Variants in SEC63 observed in about 807,000 individuals in gnomAD.
SEC63 encodes the protein translocation protein SEC63 homolog.
In SEC63, 56 loss-of-function variants were observed where a neutral mutation model predicts 116.2. The ratio of observed to expected loss-of-function variants is 0.48; its 90% CI spans 0.39 to 0.60. The LOEUF (loss-of-function observed/expected upper bound fraction) is 0.60. SEC63 is among the 20% of genes least tolerant of loss of function. SEC63 has a pLI of 0.00. For missense variants in SEC63, 668 were observed against 900.0 expected (o/e 0.74, Z 3.30); for synonymous variants, 273 against 294.6 (o/e 0.93, Z 0.75).
At chr6:107,874,469 G>A (rs141331948) in intron 19 of SEC63, among the ~76,000 whole-genome samples, 3,852 of 151,476 alleles carry the variant, frequency 0.025, 170 homozygotes, top group African/African-American at 0.089. Context: ...AGTGGCGGGC[G>A]TCTGTAATCC....
chr6:107,897,498 G>GAAAATTAATTTAAAATTTC, intron 14 of SEC63, 151 bp downstream of exon 14: 2 of 675,040 alleles, frequency 3.0e-6, no homozygotes, highest in Non-Finnish European at 5.3e-6. Context: ...ACTGTCTCAT[G>GAAAATTAATTTAAAATTTC]AAAATTAATT....
chr6:107,953,461 G>A (rs1444776357), intron 1 of SEC63, among the ~76,000 whole-genome samples: 3 of 136,378 alleles, frequency 2.2e-5, no homozygotes, highest in Non-Finnish European at 4.8e-5. Context: ...CTGCCCGGCC[G>A]CCCCTACTGG....
intron 4 of SEC63, among the ~76,000 whole-genome samples, chr6:107,919,999 C>A (rs537955650): frequency 6.6e-6 from 1 of 152,252 alleles, no homozygotes; most frequent in Admixed American, 6.5e-5. Context: ...CTATCCTGAT[C>A]AGTCAACAGC....
chr6:107,947,466 G>C (rs1416692384), intron 1 of SEC63, among the ~76,000 whole-genome samples: 1 of 151,784 alleles, frequency 6.6e-6, no homozygotes, highest in Admixed American at 6.6e-5. Flanking sequence ...CTAGCTACTC[G>C]GGAGGCTGAG....
At chr6:107,876,424 G>A in intron 19 of SEC63, 140 bp downstream of exon 19, 1 of 637,778 alleles carries the variant, frequency 1.6e-6, no homozygotes, top group South Asian at 1.8e-5. Flanking sequence ...CCAAAATAGA[G>A]AACAGTTACA....
At chr6:107,873,611 T>C (rs1786185382) in intron 19 of SEC63, among the ~76,000 whole-genome samples, 1 of 137,370 alleles carries the variant, frequency 7.3e-6, no homozygotes, top group Non-Finnish European at 1.6e-5. Context: ...GGCCTAACTA[T>C]AACACAAACC....
chr6:107,919,359 T>C (rs1290431700), intron 4 of SEC63, among the ~76,000 whole-genome samples: 2 of 152,244 alleles, frequency 1.3e-5, no homozygotes, highest in Non-Finnish European at 1.5e-5. Context: ...TGATCGAACT[T>C]GAACAGATGA....
rs1412944834 is a variant in SEC63 at position 107,901,487 on chromosome 6, T to A, written c.1240A>T (p.Ser414Cys). The change falls in exon 13 of 21, where the codon AGT becomes TGT. Residue 414 changes from serine to cysteine, a missense_variant. By Grantham distance (112) the Ser-to-Cys change is moderately radical. This residue lies in a region of SEC63 where 430 missense variants were observed against 557.5 expected (regional missense o/e 0.77). Transcript: ENST00000369002. ...YKIKTIQDLV[S>C]LKESDRHTLL... Reference sequence around the variant, plus strand: ...GTGTGACGATCTGATTCTTTTAAACTCACCAAATCCTGGATAGTTTTAATT... The same window carrying A: ...GTGTGACGATCTGATTCTTTTAAACACACCAAATCCTGGATAGTTTTAATT... 1.3e-6 allele frequency: 2 copies of A among 1,599,400 alleles called. No individual in the cohort carries two copies. The highest frequency in any genetic ancestry group is 1.7e-6 in the Non-Finnish European group (2 of 1,167,384).
At chr6:107,903,852 T>C (rs1334527589) in intron 11 of SEC63, among the ~76,000 whole-genome samples, 5 of 152,140 alleles carry the variant, frequency 3.3e-5, no homozygotes, top group African/African-American at 1.2e-4. Context: ...ATAATTAAAT[T>C]ATCATGCCTG....
chr6:107,909,191 G>A, intron 7 of SEC63, 156 bp from the exon 8 acceptor site: 1 of 592,804 alleles, frequency 1.7e-6, no homozygotes, highest in East Asian at 3.2e-5. Flanking sequence ...AACATAGTGA[G>A]ACCCTGTCTC....
intron 16 of SEC63, among the ~76,000 whole-genome samples, chr6:107,893,007 T>C (rs1233500921): frequency 6.6e-6 from 1 of 151,978 alleles, no homozygotes. Flanking sequence ...AGAATAAGCA[T>C]AGCACCCTTT....
rs1263126001 is a variant in SEC63 at position 107,938,063 on chromosome 6, CT to C, written c.125-8550del. Reference sequence around the variant, plus strand: ...ATCCATTTGTCAATTCTTGCTTTTGCTGCAACTGTAAAGCTGATATTTTAAA... The same window carrying C: ...ATCCATTTGTCAATTCTTGCTTTTGCGCAACTGTAAAGCTGATATTTTAAA... On this transcript the variant is annotated intron_variant, in intron 1 of 20. Transcript: ENST00000369002. Among the ~76,000 whole-genome samples, 8 of 152,192 alleles carry C rather than the reference CT, an allele frequency of 5.3e-5. 1 individual carries two copies. Among genetic ancestry groups the C allele is most frequent in the African/African-American group, 1.9e-4 (8 of 41,532 alleles).
intron 14 of SEC63, among the ~76,000 whole-genome samples, chr6:107,896,311 A>T (rs776960100): frequency 6.6e-6 from 1 of 152,090 alleles, no homozygotes; most frequent in Non-Finnish European, 1.5e-5. Flanking sequence ...TAAAAATACA[A>T]AAATTAGCCG....
intron 13 of SEC63, among the ~76,000 whole-genome samples, chr6:107,900,944 AAC>A (rs1340513348): frequency 2.6e-5 from 4 of 152,318 alleles, no homozygotes; most frequent in Admixed American, 6.5e-5. Flanking sequence ...TGTGGCATAA[AAC>A]ACAGTAATTT....
chr6:107,904,412 A>G (rs1241208739), intron 11 of SEC63, among the ~76,000 whole-genome samples: 1 of 151,562 alleles, frequency 6.6e-6, no homozygotes, highest in Non-Finnish European at 1.5e-5. Flanking sequence ...TCCATCTCAA[A>G]AAAAAAAAAG....
chr6:107,895,241 G>T (rs1001496831), intron 14 of SEC63, among the ~76,000 whole-genome samples: 1 of 152,108 alleles, frequency 6.6e-6, no homozygotes, highest in African/African-American at 2.4e-5. Flanking sequence ...TTCAGGCTGG[G>T]AAGTCCAAAG....
At chr6:107,922,385 A>G (rs1445444241) in intron 3 of SEC63, among the ~76,000 whole-genome samples, 1 of 152,226 alleles carries the variant, frequency 6.6e-6, no homozygotes, top group Non-Finnish European at 1.5e-5. Flanking sequence ...GCACACCTGT[A>G]GTCCCAGCTA....
intron 1 of SEC63, among the ~76,000 whole-genome samples, chr6:107,955,780 G>A (rs1019578523): frequency 1.3e-5 from 2 of 152,032 alleles, no homozygotes; most frequent in African/African-American, 4.8e-5. Context: ...CAGCTACTGG[G>A]GAAGCTGTGG....
chr6:107,876,477 A>T, intron 19 of SEC63, 87 bp downstream of exon 19: 1 of 860,330 alleles, frequency 1.2e-6, no homozygotes, highest in East Asian at 2.4e-5. Flanking sequence ...AAATATGATA[A>T]ACTTTTTAAA....
Sources: allele counts gnomAD v4.1 joint callset (sites outside exome capture counted in the v4.1 genomes callset), GRCh38; gene constraint gnomAD v4.1.1; regional missense constraint gnomAD v4.1.1; transcripts MANE v1.5; gene names NCBI Gene and HGNC (gene_info 2026-07-23, HGNC 2026-07-21).